The following COLGALT2 variants were observed in gnomAD, a reference collection of about 807,000 sequenced individuals.
COLGALT2 encodes procollagen galactosyltransferase 2.
Under a neutral mutation model 73.4 loss-of-function variants are expected in COLGALT2, and 49 were observed. The ratio of observed to expected loss-of-function variants is 0.67; its 90% CI spans 0.53 to 0.85. COLGALT2 has a LOEUF of 0.85. Ranked by LOEUF, COLGALT2 falls within the 40% of genes least tolerant of loss-of-function variation. The pLI is 0.00. For missense variants in COLGALT2, 722 were observed against 790.2 expected (o/e 0.91, Z 1.03); for synonymous variants, 295 against 307.6 (o/e 0.96, Z 0.43).
chr1:184,025,180 A>C (rs1478974391), intron 1 of COLGALT2, among the ~76,000 whole-genome samples: 1 of 152,238 alleles, frequency 6.6e-6, no homozygotes. Flanking sequence ...AAACTGGCCC[A>C]AAAGTGGGGC....
intron 5 of COLGALT2, among the ~76,000 whole-genome samples, chr1:183,964,655 C>G (rs964948601): frequency 6.6e-6 from 1 of 152,172 alleles, no homozygotes; most frequent in Admixed American, 6.5e-5. Context: ...TGTTAAGAAC[C>G]TGTAGTGTGA....
At chr1:183,960,817 GC>G (rs1278291839) in intron 6 of COLGALT2, among the ~76,000 whole-genome samples, 1 of 152,040 alleles carries the variant, frequency 6.6e-6, no homozygotes, top group African/African-American at 2.4e-5. Flanking sequence ...TTTATGTGTG[GC>G]CCAAGACAAT....
chr1:183,963,365 T>C (rs1173612786), intron 6 of COLGALT2, among the ~76,000 whole-genome samples: 2 of 152,144 alleles, frequency 1.3e-5, no homozygotes, highest in South Asian at 2.1e-4. Flanking sequence ...GAAACAACAA[T>C]GAAACAGTTT....
intron 4 of COLGALT2, among the ~76,000 whole-genome samples, chr1:183,971,110 G>C (rs1019622210): frequency 6.6e-6 from 1 of 152,180 alleles, no homozygotes; most frequent in Non-Finnish European, 1.5e-5. Flanking sequence ...CCTGCAAAGA[G>C]GCAGAGATGA....
chr1:183,951,168 G>A (rs1004967062), intron 7 of COLGALT2, 55 bp from the exon 8 acceptor site: 5 of 1,304,792 alleles, frequency 3.8e-6, no homozygotes, highest in African/African-American at 1.5e-5. Flanking sequence ...TCTTCTTTTA[G>A]GCTGTTTGAA....
At position 183,945,462 on chromosome 1, in the gene COLGALT2, G is replaced by A. The variant is rs199729444; in HGVS notation, c.1239C>T (p.Cys413=). The change falls in exon 9 of 12, where the codon TGC becomes TGT. Residue 413 remains cysteine (C), a synonymous_variant. Coordinates refer to ENST00000361927, the MANE Select transcript of COLGALT2 (RefSeq NM_015101.4). ...TCCAGACTGAGTAGTGGCTGAGAAA[G>A]CAGCCGATTTCACCCCTTGTTAGAG... ...SRPLTRGEIG[C]FLSHYSVWKE... 9.7e-5 allele frequency: 157 copies of A among 1,614,190 alleles called. No individual in the cohort carries two copies. In the East Asian group the frequency reaches 3.3e-3, roughly 34 times the overall value.
At chr1:183,940,405 T>C (rs575938643) in intron 11 of COLGALT2, among the ~76,000 whole-genome samples, 176 bp downstream of exon 11, 2 of 152,310 alleles carry the variant, frequency 1.3e-5, no homozygotes, top group Admixed American at 1.3e-4. Context: ...TGCCTCACCT[T>C]CCCATCTGTA....
chr1:183,986,238 G>T (rs1671486399), intron 1 of COLGALT2, among the ~76,000 whole-genome samples: 1 of 152,064 alleles, frequency 6.6e-6, no homozygotes, highest in South Asian at 2.1e-4. Flanking sequence ...ATGGATTGGG[G>T]GTCTGGGGAT....
chr1:183,937,141 C>T lies in COLGALT2; in HGVS notation c.*1620G>A, dbSNP rs1572624110. 1.6e-6 allele frequency: 2 copies of T among 1,229,208 alleles called. No individual in the cohort carries two copies. Among genetic ancestry groups the T allele is most frequent in the Non-Finnish European group, 2.0e-6 (2 of 986,902 alleles). 76.1% of individuals were successfully genotyped at this position (1,229,208 alleles called of 1,614,324 possible). A position where few individuals can be genotyped will look rare whatever the true frequency, so the allele number is the denominator to read the frequency against. On this transcript the variant is annotated 3_prime_UTR_variant, in exon 12 of 12. Transcript: ENST00000361927. ...ACTAAGCTTGTGTATGTAGCACCAC[C>T]CGCCTGTGGACTCTGCTCTGAAGGG...
At chr1:184,018,377 T>G (rs1288800193) in intron 1 of COLGALT2, among the ~76,000 whole-genome samples, 1 of 152,190 alleles carries the variant, frequency 6.6e-6, no homozygotes, top group Admixed American at 6.5e-5. Flanking sequence ...GTAGGTGATT[T>G]GTTGCCCTAT....
intron 1 of COLGALT2, among the ~76,000 whole-genome samples, chr1:183,995,092 GA>G (rs990333511): frequency 6.6e-6 from 1 of 150,894 alleles, no homozygotes. Context: ...ATAAACATTA[GA>G]AAAAAAACAA....
At chr1:184,010,590 T>C (rs1041846699) in intron 1 of COLGALT2, among the ~76,000 whole-genome samples, 2 of 152,202 alleles carry the variant, frequency 1.3e-5, no homozygotes, top group African/African-American at 4.8e-5. Context: ...CCTACCAGTC[T>C]TCCCTTCTGT....
intron 6 of COLGALT2, among the ~76,000 whole-genome samples, chr1:183,961,044 C>T (rs1430034903): frequency 6.6e-6 from 1 of 152,206 alleles, no homozygotes; most frequent in Non-Finnish European, 1.5e-5. Flanking sequence ...TTTTATCAAT[C>T]TTACACGGAC....
chr1:184,015,603 C>T (rs1302461011), intron 1 of COLGALT2, among the ~76,000 whole-genome samples: 1 of 152,268 alleles, frequency 6.6e-6, no homozygotes, highest in Non-Finnish European at 1.5e-5. Flanking sequence ...TGTGCTCACT[C>T]TCCCTGTGTA....
intron 6 of COLGALT2, among the ~76,000 whole-genome samples, chr1:183,963,210 A>G (rs919804126): frequency 3.3e-5 from 5 of 152,206 alleles, no homozygotes; most frequent in African/African-American, 1.2e-4. Flanking sequence ...TGAACTTTGG[A>G]GATAGCAAGA....
chr1:183,977,866 G>GAAAAC (rs1250860702), intron 2 of COLGALT2, among the ~76,000 whole-genome samples: 1 of 144,638 alleles, frequency 6.9e-6, no homozygotes, highest in Non-Finnish European at 1.5e-5. Flanking sequence ...GAAAAGAAAA[G>GAAAAC]AAAGAAAAGA....
At chr1:183,945,750 G>A (rs565315648) in intron 8 of COLGALT2, 186 bp from the exon 9 acceptor site, 10 of 628,940 alleles carry the variant, frequency 1.6e-5, no homozygotes, top group Non-Finnish European at 2.4e-5. Context: ...GGTCTGGGAA[G>A]ACAAGAGGGT....
Position 184,037,335 on chromosome 1 carries a change from G to A in COLGALT2, c.23C>T (p.Thr8Ile). 1 of 1,491,906 alleles carries A rather than the reference G, an allele frequency of 6.7e-7. No homozygotes were observed. The highest frequency in any genetic ancestry group is 8.9e-7 in the Non-Finnish European group (1 of 1,120,478). The allele number at this position is 1,491,906 out of a possible 1,614,324, so 92.4% of individuals were successfully genotyped here. Residue 8 changes from threonine (T) to isoleucine (I), a missense_variant, in exon 1 of 12, where the codon ACC (threonine) becomes ATC (isoleucine). Coordinates refer to ENST00000361927, the MANE Select transcript of COLGALT2 (RefSeq NM_015101.4). ...GAGGAGCAGTAGCGACCAGGCGAGG[G>A]TGGCAGCAGGGCGCGCAGCCATGTT... is the stretch of plus-strand genomic sequence containing the variant. MAARPAA[T>I]LAWSLLLLSS...
chr1:183,940,568 C>G lies in COLGALT2; in HGVS notation c.1604+13G>C. ...TGTGCCCAAGGGAAGGCAGGCAGTT[C>G]AGGGAGACTCACACGGGATGCTTGT... On this transcript the variant is annotated intron_variant, in intron 11 of 11. Coordinates refer to ENST00000361927, the MANE Select transcript of COLGALT2 (RefSeq NM_015101.4). 1 of 1,613,368 alleles carries G rather than the reference C, an allele frequency of 6.2e-7. No individual in the cohort carries two copies. The highest frequency in any genetic ancestry group is 8.5e-7 in the Non-Finnish European group (1 of 1,179,376).
Sources: allele counts gnomAD v4.1 joint callset (sites outside exome capture counted in the v4.1 genomes callset), GRCh38; gene constraint gnomAD v4.1.1; transcripts MANE v1.5; gene names NCBI Gene and HGNC (gene_info 2026-07-23, HGNC 2026-07-21).